The following ABCB11 variants were observed in gnomAD, a reference collection of about 807,000 sequenced individuals.
ABCB11 encodes bile salt export pump.
ABCB11 carries 95 observed loss-of-function variants against 148.0 expected under a neutral mutation model. The ratio of observed to expected loss-of-function variants is 0.64; its 90% CI spans 0.54 to 0.76. The LOEUF (loss-of-function observed/expected upper bound fraction) is 0.76, where lower values mean the gene tolerates loss of function less well. Among genes scored for constraint, ABCB11 ranks in the 30% least tolerant of loss-of-function variants. ABCB11 has a pLI of 0.00. For synonymous variants in ABCB11, 591 were observed against 555.4 expected, an observed-to-expected ratio of 1.06 and a Z score of -0.90; for missense variants, 1,523 against 1,617.8, an observed-to-expected ratio of 0.94 and a Z score of 1.01.
chr2:168,923,244 C>T lies in ABCB11; in HGVS notation c.*378G>A, dbSNP rs775149398. 2.1e-5 allele frequency: 5 copies of T among 233,318 alleles called. No homozygotes were observed. The highest frequency in any genetic ancestry group is 3.4e-5 in the Non-Finnish European group (4 of 119,226). 14.5% of individuals were successfully genotyped at this position (233,318 alleles called of 1,614,324 possible). ...ACACCGAGGGTTCAAAAATGAAAGA[C>T]AGTTCTCTGCCCTTGAGGAGTTCAA... On this transcript the variant is annotated 3_prime_UTR_variant, in exon 28 of 28. Transcript: ENST00000650372.
chr2:168,992,358 G>A (rs1289622286), intron 8 of ABCB11, among the ~76,000 whole-genome samples: 3 of 151,666 alleles, frequency 2.0e-5, no homozygotes, highest in Non-Finnish European at 4.4e-5. Flanking sequence ...TATGATCCAC[G>A]TGAGTGTGTA....
chr2:168,944,034 G>A (rs1007784284), intron 21 of ABCB11, among the ~76,000 whole-genome samples: 4 of 151,954 alleles, frequency 2.6e-5, no homozygotes, highest in African/African-American at 9.7e-5. Flanking sequence ...CTCATCATAT[G>A]TGTAAGCCCC....
intron 22 of ABCB11, among the ~76,000 whole-genome samples, chr2:168,935,982 G>T (rs1045547142): frequency 4.6e-5 from 7 of 152,220 alleles, no homozygotes; most frequent in African/African-American, 1.7e-4. Context: ...CTATGCGAGA[G>T]GAAATTGAAC....
In ABCB11 at chr2:169,003,048, G is replaced by A. The variant is rs115968510; in HGVS notation, c.390-6326C>T. ...ATGGTGATTTCTGAGATTTTAGAATGGTGCACCCATCATCCAAGCAGTGTA... is the reference window on the plus strand; with the variant it reads ...ATGGTGATTTCTGAGATTTTAGAATAGTGCACCCATCATCCAAGCAGTGTA... On this transcript the variant is annotated intron_variant, in intron 5 of 27. Transcript: ENST00000650372. 5.1e-3 allele frequency among the ~76,000 whole-genome samples: 782 copies of A among 151,948 alleles called. 4 individuals carry two copies. Among genetic ancestry groups the A allele is most frequent in the African/African-American group, 0.018 (742 of 41,408 alleles).
intron 8 of ABCB11, among the ~76,000 whole-genome samples, chr2:168,992,848 A>C (rs1021515305): frequency 2.6e-5 from 4 of 152,060 alleles, no homozygotes; most frequent in Admixed American, 2.6e-4. Flanking sequence ...TTTGCTATTG[A>C]GCAATAGGAA....
At chr2:168,987,680 C>G (rs572552517) in intron 9 of ABCB11, among the ~76,000 whole-genome samples, 5 of 152,296 alleles carry the variant, frequency 3.3e-5, no homozygotes, top group African/African-American at 1.2e-4. Context: ...ATCCACCTGC[C>G]TTGGCCTTCC....
intron 1 of ABCB11, among the ~76,000 whole-genome samples, chr2:169,029,543 A>T (rs1695798421): frequency 6.6e-6 from 1 of 152,036 alleles, no homozygotes; most frequent in Non-Finnish European, 1.5e-5. Flanking sequence ...TCCAGCCCTG[A>T]GGGCTATGGC....
At chr2:168,952,209 T>C (rs900344310) in intron 19 of ABCB11, among the ~76,000 whole-genome samples, 3 of 151,616 alleles carry the variant, frequency 2.0e-5, no homozygotes, top group Non-Finnish European at 4.4e-5. Context: ...GATGTCCTAG[T>C]CTGGTTTTGG....
chr2:168,949,545 T>C (rs948118336), intron 19 of ABCB11, among the ~76,000 whole-genome samples: 1 of 151,758 alleles, frequency 6.6e-6, no homozygotes, highest in African/African-American at 2.4e-5. Context: ...ATCCTTTTTA[T>C]GGCTGAGTAG....
intron 14 of ABCB11, chr2:168,970,600 G>T: frequency 3.1e-6 from 1 of 322,784 alleles, no homozygotes; most frequent in South Asian, 2.6e-5. Context: ...ATAATGCAAA[G>T]GCTGTTTTTA....
chr2:169,009,139 T>C (rs906178614), intron 5 of ABCB11, among the ~76,000 whole-genome samples: 83 of 152,306 alleles, frequency 5.4e-4, no homozygotes, highest in African/African-American at 1.9e-3. Context: ...TAGAAAGTGA[T>C]GGCCGAGGGG....
chr2:169,014,590 C>T (rs1016190546), intron 3 of ABCB11, among the ~76,000 whole-genome samples: 9 of 152,122 alleles, frequency 5.9e-5, no homozygotes, highest in Non-Finnish European at 8.8e-5. Context: ...AGATGAACAC[C>T]TGAGAGGTAT....
intron 1 of ABCB11, among the ~76,000 whole-genome samples, chr2:169,018,713 T>A (rs1422397231): frequency 6.6e-6 from 1 of 152,062 alleles, no homozygotes. Flanking sequence ...TTATTCACAG[T>A]GGAAAAATTA....
intron 17 of ABCB11, 124 bp downstream of exon 17, chr2:168,968,303 C>A: frequency 1.2e-6 from 1 of 832,836 alleles, no homozygotes; most frequent in Non-Finnish European, 2.0e-6. Flanking sequence ...TCATATTTGA[C>A]AAGACCTGGC....
At chr2:169,010,185 A>T (rs1368745773) in intron 5 of ABCB11, among the ~76,000 whole-genome samples, 2 of 152,214 alleles carry the variant, frequency 1.3e-5, no homozygotes, top group Non-Finnish European at 2.9e-5. Flanking sequence ...CTCTTCTACA[A>T]TTAAGTTACA....
chr2:168,948,858 T>A (rs1692439322), intron 19 of ABCB11, among the ~76,000 whole-genome samples: 1 of 151,842 alleles, frequency 6.6e-6, no homozygotes, highest in South Asian at 2.1e-4. Context: ...GGGCCCTCCT[T>A]ACACGATGGA....
intron 5 of ABCB11, among the ~76,000 whole-genome samples, chr2:169,010,013 G>C (rs1421053951): frequency 2.0e-5 from 3 of 152,156 alleles, no homozygotes; most frequent in African/African-American, 2.4e-5. Context: ...CTGTATGAGA[G>C]GAAGTGAAGA....
chr2:169,012,987 A>T (rs558996874), intron 5 of ABCB11, among the ~76,000 whole-genome samples: 1 of 152,212 alleles, frequency 6.6e-6, no homozygotes. Flanking sequence ...GACGTTAAGT[A>T]TTGGTAGTGT....
chr2:168,975,672 TATAA>T (rs1463727125), intron 12 of ABCB11, among the ~76,000 whole-genome samples: 2 of 126,430 alleles, frequency 1.6e-5, no homozygotes, highest in African/African-American at 3.0e-5. Context: ...TATTATATTA[TATAA>T]ATATTTACCT....
Sources: gnomAD v4.1 joint callset for allele counts (sites outside exome capture counted in the v4.1 genomes callset) on GRCh38, gnomAD v4.1.1 for gene constraint, MANE v1.5 for transcripts, NCBI Gene and HGNC (gene_info 2026-07-23, HGNC 2026-07-21) for gene names.